Variants in CCL28 observed in about 807,000 individuals in gnomAD.
CCL28 encodes the protein C-C motif chemokine 28.
Under a neutral mutation model 7.1 loss-of-function variants are expected in CCL28, and 4 were observed. The observed-to-expected ratio is 0.56, with a 90% CI of 0.28 to 1.29. The LOEUF is 1.29. Among genes scored for constraint, CCL28 ranks in the 50% most tolerant of loss-of-function variants. CCL28 has a pLI of 0.11. For synonymous variants in CCL28, 55 were observed against 57.8 expected, an observed-to-expected ratio of 0.95 and a Z score of 0.22; for missense variants, 151 against 163.4, an observed-to-expected ratio of 0.92 and a Z score of 0.41.
chr5:43,359,139 A>G, the CCL28 span, among the ~76,000 whole-genome samples: 1 of 152,212 alleles, frequency 6.6e-6, no homozygotes, highest in African/African-American at 2.4e-5. Context: ...TAAGCTCCTG[A>G]GACAAGCTCG....
the CCL28 span, among the ~76,000 whole-genome samples, chr5:43,369,089 A>G: frequency 4.7e-5 from 7 of 148,268 alleles, no homozygotes; most frequent in African/African-American, 1.7e-4. Flanking sequence ...AGAGAGAACC[A>G]GTAAGACAAA....
chr5:43,399,872 G>A (rs563212630), intron 1 of CCL28, among the ~76,000 whole-genome samples: 14 of 147,892 alleles, frequency 9.5e-5, no homozygotes, highest in African/African-American at 2.5e-4. Context: ...TTGGGAGACC[G>A]TCTTGTTCTG....
intron 1 of CCL28, among the ~76,000 whole-genome samples, chr5:43,409,410 G>T (rs1355945083): frequency 6.6e-6 from 1 of 152,022 alleles, no homozygotes; most frequent in Non-Finnish European, 1.5e-5. Context: ...TGGGCGACAA[G>T]AGCAACAAAC....
intron 1 of CCL28, among the ~76,000 whole-genome samples, chr5:43,411,339 C>A (rs964691911): frequency 6.6e-6 from 1 of 152,158 alleles, no homozygotes; most frequent in Non-Finnish European, 1.5e-5. Flanking sequence ...CTTAGGGTTT[C>A]CTGAATATAG....
intron 1 of CCL28, among the ~76,000 whole-genome samples, chr5:43,390,440 C>T (rs555003242): frequency 2.0e-5 from 3 of 152,328 alleles, no homozygotes; most frequent in South Asian, 2.1e-4. Flanking sequence ...TTTGCCTGAT[C>T]CACCCCCAAC....
the CCL28 span, among the ~76,000 whole-genome samples, chr5:43,359,914 C>A: frequency 6.6e-6 from 1 of 152,198 alleles, no homozygotes; most frequent in South Asian, 2.1e-4. Flanking sequence ...TTTTCCACAT[C>A]TCTATGATTT....
At chr5:43,362,709 C>T in the CCL28 span, among the ~76,000 whole-genome samples, 18 of 152,222 alleles carry the variant, frequency 1.2e-4, no homozygotes, top group African/African-American at 3.9e-4. Flanking sequence ...TCTTATACAG[C>T]AATATGGAGA....
downstream of CCL28, among the ~76,000 whole-genome samples, chr5:43,374,564 C>T (rs1363799490): frequency 2.6e-5 from 4 of 152,094 alleles, no homozygotes; most frequent in Non-Finnish European, 4.4e-5. Flanking sequence ...GGGCGGATCA[C>T]GAGGTCAGAA....
At chr5:43,402,872 C>A (rs891897676) in intron 1 of CCL28, among the ~76,000 whole-genome samples, 4 of 152,256 alleles carry the variant, frequency 2.6e-5, no homozygotes, top group African/African-American at 7.2e-5. Context: ...TATCCCATGC[C>A]TGGCTTGGAG....
At chr5:43,407,105 T>C (rs760392161) in intron 1 of CCL28, among the ~76,000 whole-genome samples, 13 of 152,240 alleles carry the variant, frequency 8.5e-5, no homozygotes, top group Non-Finnish European at 1.9e-4. Flanking sequence ...CCCATGAAGC[T>C]ACCAGTGACT....
intron 1 of CCL28, among the ~76,000 whole-genome samples, chr5:43,401,154 C>T (rs760212130): frequency 2.0e-5 from 3 of 152,054 alleles, no homozygotes; most frequent in Non-Finnish European, 2.9e-5. Context: ...CACATCTCTC[C>T]ATTCTTGTGG....
intron 1 of CCL28, among the ~76,000 whole-genome samples, chr5:43,401,799 A>C (rs1162105301): frequency 1.3e-5 from 2 of 152,142 alleles, no homozygotes; most frequent in African/African-American, 4.8e-5. Flanking sequence ...ACTCACCCTT[A>C]ATTTCCTGTT....
chr5:43,392,106 ATTAT>A (rs35180804), intron 1 of CCL28, among the ~76,000 whole-genome samples: 105 of 151,488 alleles, frequency 6.9e-4, no homozygotes, highest in Admixed American at 2.0e-3. Context: ...TGCATATCTT[ATTAT>A]TTATTTATTT....
intron 1 of CCL28, among the ~76,000 whole-genome samples, chr5:43,407,242 A>C (rs1741319908): frequency 6.6e-6 from 1 of 152,226 alleles, no homozygotes; most frequent in Non-Finnish European, 1.5e-5. Flanking sequence ...ACTTCAAACT[A>C]TACTACAAGG....
At chr5:43,357,140 C>G in the CCL28 span, among the ~76,000 whole-genome samples, 2 of 152,154 alleles carry the variant, frequency 1.3e-5, no homozygotes, top group African/African-American at 4.8e-5. Flanking sequence ...AGTTGCTACC[C>G]AGAGTGGAGG....
intron 1 of CCL28, among the ~76,000 whole-genome samples, chr5:43,411,222 G>GACTT (rs1365427729): frequency 1.3e-5 from 2 of 152,196 alleles, no homozygotes; most frequent in African/African-American, 2.4e-5. Context: ...GCAGACCAAA[G>GACTT]ACTTATATTC....
At chr5:43,390,939 C>T (rs908039754) in intron 1 of CCL28, among the ~76,000 whole-genome samples, 2 of 152,142 alleles carry the variant, frequency 1.3e-5, no homozygotes, top group Non-Finnish European at 2.9e-5. Flanking sequence ...TGTGTCTATG[C>T]AGTGAATTGA....
At chr5:43,367,515 G>A in the CCL28 span, among the ~76,000 whole-genome samples, 157 of 152,336 alleles carry the variant, frequency 1.0e-3, no homozygotes, top group African/African-American at 3.5e-3. Context: ...TGCTTCCTGG[G>A]TGAGGGGATG....
At chr5:43,406,705 C>A (rs1045369451) in intron 1 of CCL28, among the ~76,000 whole-genome samples, 1 of 152,198 alleles carries the variant, frequency 6.6e-6, no homozygotes, top group African/African-American at 2.4e-5. Flanking sequence ...GTCAAAATGT[C>A]CCTGTCTGCA....
Sources: allele counts gnomAD v4.1 joint callset (sites outside exome capture counted in the v4.1 genomes callset), GRCh38; gene constraint gnomAD v4.1.1; transcripts MANE v1.5; gene names NCBI Gene and HGNC (gene_info 2026-07-23, HGNC 2026-07-21).